AOPEP: variants seen among roughly 807,000 people sequenced by gnomAD.
AOPEP encodes the protein aminopeptidase O (putative).
Under a neutral mutation model 98.1 loss-of-function variants are expected in AOPEP, and 77 were observed. That is an observed-to-expected ratio of 0.78 (90% CI 0.65 to 0.95). AOPEP has a LOEUF of 0.95. Among genes scored for constraint, AOPEP ranks in the 40% least tolerant of loss-of-function variants. AOPEP has a pLI of 0.00. For synonymous variants in AOPEP, 346 were observed against 365.3 expected (o/e 0.95, Z 0.60); for missense variants, 1,024 against 1,024.7 (o/e 1.00, Z 0.01).
intron 7 of AOPEP, among the ~76,000 whole-genome samples, chr9:94,929,075 A>G (rs978974591): frequency 3.9e-5 from 6 of 151,900 alleles, no homozygotes; most frequent in Non-Finnish European, 8.8e-5. Flanking sequence ...ATTTCATGCC[A>G]TTTTTCCACG....
the AOPEP span, among the ~76,000 whole-genome samples, chr9:95,134,822 G>C: frequency 6.6e-6 from 1 of 152,196 alleles, no homozygotes; most frequent in Non-Finnish European, 1.5e-5. Context: ...TCCTGAGCGG[G>C]AAGGGAGCCA....
intron 1 of AOPEP, among the ~76,000 whole-genome samples, chr9:94,747,022 A>G (rs1834642934): frequency 6.8e-6 from 1 of 146,588 alleles, no homozygotes; most frequent in Non-Finnish European, 1.5e-5. Flanking sequence ...AATTCCCACA[A>G]CAGCATTAAC....
At chr9:94,911,211 G>A (rs995161080) in intron 5 of AOPEP, among the ~76,000 whole-genome samples, 2 of 152,186 alleles carry the variant, frequency 1.3e-5, no homozygotes, top group African/African-American at 4.8e-5. Flanking sequence ...TTTGAAACAG[G>A]ACACCTCTGG....
At chr9:94,917,248 G>A (rs2052969737) in intron 5 of AOPEP, among the ~76,000 whole-genome samples, 2 of 151,584 alleles carry the variant, frequency 1.3e-5, no homozygotes, top group Non-Finnish European at 3.0e-5. Context: ...TGAGCCTTCT[G>A]TATGGTCTGC....
At chr9:95,080,990 C>T in intron 15 of AOPEP, 1 of 563,228 alleles carries the variant, frequency 1.8e-6, no homozygotes, top group East Asian at 3.0e-5. Flanking sequence ...TGAGCACCTT[C>T]AATGCCGCCT....
chr9:95,037,488 G>T (rs776826476), intron 13 of AOPEP, among the ~76,000 whole-genome samples: 21 of 152,184 alleles, frequency 1.4e-4, no homozygotes, highest in African/African-American at 4.1e-4. Flanking sequence ...ACCAAAGCTC[G>T]ATGAATTCAG....
chr9:95,069,253 G>A (rs976702812), intron 14 of AOPEP, among the ~76,000 whole-genome samples: 3 of 152,188 alleles, frequency 2.0e-5, no homozygotes, highest in African/African-American at 7.2e-5. Flanking sequence ...ACTTGGGGAG[G>A]TCCTCCAGGC....
At chr9:95,043,734 G>A (rs1194313492) in intron 13 of AOPEP, among the ~76,000 whole-genome samples, 3 of 152,074 alleles carry the variant, frequency 2.0e-5, no homozygotes, top group African/African-American at 7.2e-5. Flanking sequence ...GCAAGATGAG[G>A]GCACAGTGCA....
At chr9:94,910,755 G>T (rs996963966) in intron 5 of AOPEP, among the ~76,000 whole-genome samples, 6 of 152,130 alleles carry the variant, frequency 3.9e-5, no homozygotes, top group African/African-American at 1.4e-4. Flanking sequence ...TCTTTTGGCA[G>T]TTCCTAACAC....
At chr9:95,025,987 T>G (rs574474447) in intron 13 of AOPEP, among the ~76,000 whole-genome samples, 1 of 152,302 alleles carries the variant, frequency 6.6e-6, no homozygotes, top group East Asian at 1.9e-4. Context: ...AGAGCAGATT[T>G]ATTTGCTCCC....
chr9:94,852,187 C>G (rs192375133), intron 5 of AOPEP, among the ~76,000 whole-genome samples: 4 of 152,094 alleles, frequency 2.6e-5, no homozygotes, highest in Admixed American at 6.6e-5. Flanking sequence ...ACCAGAGAAG[C>G]CTTTTAAAAA....
intron 4 of AOPEP, among the ~76,000 whole-genome samples, chr9:94,795,623 T>C (rs906528678): frequency 2.0e-5 from 3 of 152,228 alleles, no homozygotes; most frequent in Non-Finnish European, 4.4e-5. Flanking sequence ...TTTGCCTTTC[T>C]AGCCATATTC....
In AOPEP at chr9:94,759,922, C is replaced by G. The variant is rs771658703; in HGVS notation, c.139C>G (p.Leu47Val). ...QVIEGTIVLF[L>V]EDGNRFKKQN... ...CATTGAGGGGACCATAGTGCTTTTC[C>G]TCGAGGATGGAAACAGATTCAAGAA... The change falls in exon 2 of 17, where the codon CTC (leucine) becomes GTC (valine). Residue 47 changes from leucine to valine, a missense_variant. By Grantham distance (32) the Leu-to-Val change is conservative. Around this residue, in one of 3 missense-constraint regions of AOPEP, gnomAD observed 440 missense variants for 433.8 expected, o/e 1.01. Coordinates refer to ENST00000375315, the MANE Select transcript of AOPEP (RefSeq NM_001193329.3). 1 of 1,613,942 alleles carries G rather than the reference C, an allele frequency of 6.2e-7. No homozygotes were observed. The highest frequency in any genetic ancestry group is 1.1e-5 in the South Asian group (1 of 91,074).
At chr9:95,037,625 G>T (rs957951692) in intron 13 of AOPEP, among the ~76,000 whole-genome samples, 1 of 152,116 alleles carries the variant, frequency 6.6e-6, no homozygotes, top group Non-Finnish European at 1.5e-5. Flanking sequence ...TATTGCTGAA[G>T]GACTTAGGAA....
intron 7 of AOPEP, among the ~76,000 whole-genome samples, chr9:94,951,186 G>C (rs76617543): frequency 0.029 from 4,358 of 152,322 alleles, 225 homozygotes; most frequent in African/African-American, 0.1. Flanking sequence ...ACACCAGAGT[G>C]TAATGTCTAA....
intron 5 of AOPEP, among the ~76,000 whole-genome samples, chr9:94,898,742 G>T (rs2136191158): frequency 6.6e-6 from 1 of 151,404 alleles, no homozygotes; most frequent in East Asian, 2.0e-4. Flanking sequence ...AGGAGATCGA[G>T]ACCATCCTGG....
chr9:94,823,074 G>A (rs778131676), intron 5 of AOPEP, among the ~76,000 whole-genome samples: 38 of 151,712 alleles, frequency 2.5e-4, no homozygotes, highest in South Asian at 4.1e-4. Context: ...TCGGCTCATC[G>A]CAACTTCCGC....
At chr9:95,088,498 T>C (rs2070818918), downstream of AOPEP, among the ~76,000 whole-genome samples, 1 of 137,378 alleles carries the variant, frequency 7.3e-6, no homozygotes, top group Admixed American at 7.8e-5. Flanking sequence ...CGTGAACCAC[T>C]GTACCCGGCC....
chr9:94,738,949 A>G (rs1832433409), intron 1 of AOPEP, among the ~76,000 whole-genome samples: 1 of 152,238 alleles, frequency 6.6e-6, no homozygotes, highest in African/African-American at 2.4e-5. Context: ...AACTACATTC[A>G]GTTTTGTATG....
Sources: gnomAD v4.1 joint callset for allele counts (sites outside exome capture counted in the v4.1 genomes callset) on GRCh38, gnomAD v4.1.1 for gene constraint, gnomAD v4.1.1 regional missense constraint, MANE v1.5 for transcripts, NCBI Gene and HGNC (gene_info 2026-07-23, HGNC 2026-07-21) for gene names.